The following CLSTN2 variants were observed in gnomAD, a reference collection of about 807,000 sequenced individuals.
CLSTN2 encodes the protein calsyntenin 2, also known as calsyntenin-2.
A neutral mutation model predicts 101.2 loss-of-function variants in CLSTN2; 48 were observed. The observed-to-expected ratio is 0.47, with a 90% CI of 0.38 to 0.60. The LOEUF (loss-of-function observed/expected upper bound fraction) is 0.60, where lower values mean the gene tolerates loss of function less well. Ranked by LOEUF, CLSTN2 falls within the 20% of genes least tolerant of loss-of-function variation. The pLI, the probability that CLSTN2 is intolerant of heterozygous loss-of-function variation, is 0.00. For missense variants in CLSTN2, 1,160 were observed against 1,238.2 expected, an observed-to-expected ratio of 0.94 and a Z score of 0.95; for synonymous variants, 481 against 463.6, an observed-to-expected ratio of 1.04 and a Z score of -0.48.
At chr3:140,270,264 A>G (rs377742020) in intron 2 of CLSTN2, among the ~76,000 whole-genome samples, 1 of 152,290 alleles carries the variant, frequency 6.6e-6, no homozygotes, top group Admixed American at 6.5e-5. Flanking sequence ...AAAGAAGTCA[A>G]GTGATATGTG....
chr3:140,009,435 T>A (rs1234282879), intron 1 of CLSTN2, among the ~76,000 whole-genome samples: 31 of 152,192 alleles, frequency 2.0e-4, no homozygotes, highest in Admixed American at 2.0e-3. Context: ...AAATAATGAA[T>A]GTGAGTGTTT....
rs142236704 is a variant in CLSTN2, at chr3:140,483,496, C to T, written c.1344+16765C>T. Reference sequence around the variant, plus strand: ...GAGCTGAGTTCAATTCCTGCATATCCTTGTTAACTTTCTGTCGCATTGATC... The same window carrying T: ...GAGCTGAGTTCAATTCCTGCATATCTTTGTTAACTTTCTGTCGCATTGATC... On this transcript the variant is annotated intron_variant, in intron 8 of 16. Transcript: ENST00000458420. Among the ~76,000 whole-genome samples, 6 of 152,238 alleles carry T rather than the reference C, an allele frequency of 3.9e-5. No homozygotes were observed. The East Asian group carries it at 1.2e-3, about 29-fold the overall frequency.
At chr3:140,211,626 A>G (rs1250853187) in intron 2 of CLSTN2, among the ~76,000 whole-genome samples, 2 of 151,386 alleles carry the variant, frequency 1.3e-5, no homozygotes, top group African/African-American at 2.4e-5. Flanking sequence ...CTCTGCAATA[A>G]AAGACTTTAG....
intron 2 of CLSTN2, among the ~76,000 whole-genome samples, chr3:140,271,390 C>T (rs2107889974): frequency 6.6e-6 from 1 of 152,312 alleles, no homozygotes; most frequent in South Asian, 2.1e-4. Flanking sequence ...TGTTACCGAA[C>T]ACTGGGATTA....
At chr3:140,054,979 C>G (rs1424712173) in intron 1 of CLSTN2, among the ~76,000 whole-genome samples, 1 of 152,148 alleles carries the variant, frequency 6.6e-6, no homozygotes, top group Non-Finnish European at 1.5e-5. Context: ...TGGAATACAC[C>G]TGGGATATGC....
chr3:140,268,763 TG>T (rs1411197865), intron 2 of CLSTN2, among the ~76,000 whole-genome samples: 4 of 152,168 alleles, frequency 2.6e-5, no homozygotes, highest in African/African-American at 9.6e-5. Flanking sequence ...TAGTTGGCAG[TG>T]GGCAGTGGCA....
At chr3:140,247,817 G>A (rs1289057591) in intron 2 of CLSTN2, among the ~76,000 whole-genome samples, 3 of 152,148 alleles carry the variant, frequency 2.0e-5, no homozygotes, top group Non-Finnish European at 4.4e-5. Flanking sequence ...GCAGTCTGGA[G>A]GGCTCCCTCA....
chr3:140,441,880 C>T (rs539264577), intron 5 of CLSTN2, among the ~76,000 whole-genome samples: 6 of 152,128 alleles, frequency 3.9e-5, no homozygotes, highest in Admixed American at 2.0e-4. Flanking sequence ...GAAGCCCTCC[C>T]GAGCCTCACA....
intron 1 of CLSTN2, among the ~76,000 whole-genome samples, chr3:140,153,625 C>G (rs1473527240): frequency 6.6e-6 from 1 of 152,210 alleles, no homozygotes; most frequent in African/African-American, 2.4e-5. Context: ...AAATTGTTAC[C>G]TCACCTCTGA....
At chr3:140,260,997 A>G (rs1377213499) in intron 2 of CLSTN2, among the ~76,000 whole-genome samples, 1 of 152,194 alleles carries the variant, frequency 6.6e-6, no homozygotes, top group African/African-American at 2.4e-5. Context: ...AGTAAAGGAT[A>G]TGTAATATCA....
chr3:140,169,254 T>C (rs2010177624), intron 1 of CLSTN2, among the ~76,000 whole-genome samples: 1 of 152,150 alleles, frequency 6.6e-6, no homozygotes. Flanking sequence ...TTGATGCTAT[T>C]GTAACAGTAT....
intron 12 of CLSTN2, among the ~76,000 whole-genome samples, chr3:140,561,807 C>G (rs1013485516): frequency 2.0e-5 from 3 of 152,192 alleles, no homozygotes; most frequent in Admixed American, 1.3e-4. Context: ...TCCCAAGACC[C>G]TTGCCTGCCT....
chr3:140,378,269 C>A (rs1347443266), intron 2 of CLSTN2, among the ~76,000 whole-genome samples: 10 of 152,340 alleles, frequency 6.6e-5, no homozygotes, highest in Admixed American at 6.5e-4. Flanking sequence ...TGACCGGATA[C>A]TTCATTTAGC....
rs571251614 is a variant in CLSTN2 at position 140,534,984 on chromosome 3, C to G, written c.1507+2498C>G. On this transcript the variant is annotated intron_variant, in intron 9 of 16. Coordinates refer to ENST00000458420, the MANE Select transcript of CLSTN2 (RefSeq NM_022131.3). The stretch of plus-strand genomic sequence containing the variant: ...AGCTTTCCGAGTGATTTCTAGTGAT[C>G]GCCTCATCAGGGTGAGATGCACAGA... 2.6e-5 allele frequency among the ~76,000 whole-genome samples: 4 copies of G among 152,284 alleles called. No individual in the cohort carries two copies. The South Asian group carries it at 8.3e-4, about 32-fold the overall frequency.
chr3:140,392,234 TA>T (rs1171502445), intron 2 of CLSTN2, among the ~76,000 whole-genome samples: 1 of 151,034 alleles, frequency 6.6e-6, no homozygotes, highest in Non-Finnish European at 1.5e-5. Context: ...AAGAAATAGG[TA>T]AAATTGATTT....
chr3:140,236,637 C>G (rs1434111145), intron 2 of CLSTN2, among the ~76,000 whole-genome samples: 1 of 152,096 alleles, frequency 6.6e-6, no homozygotes, highest in African/African-American at 2.4e-5. Context: ...CCATAGCTCA[C>G]CGATGCTCTA....
chr3:140,063,500 A>G (rs2107773796), intron 1 of CLSTN2, among the ~76,000 whole-genome samples: 1 of 152,334 alleles, frequency 6.6e-6, no homozygotes, highest in Non-Finnish European at 1.5e-5. Context: ...TATGCATTGC[A>G]GTCTCCAGGG....
At chr3:140,348,662 G>A (rs997237119) in intron 2 of CLSTN2, among the ~76,000 whole-genome samples, 1 of 152,146 alleles carries the variant, frequency 6.6e-6, no homozygotes, top group East Asian at 1.9e-4. Context: ...AGTGGGTGGA[G>A]GATAAAATTT....
At chr3:140,300,796 A>G (rs2087050915) in intron 2 of CLSTN2, among the ~76,000 whole-genome samples, 2 of 147,262 alleles carry the variant, frequency 1.4e-5, no homozygotes, top group Admixed American at 1.4e-4. Context: ...AAGCAGTACC[A>G]GTAGGCGATA....
Sources: gnomAD v4.1 joint callset for allele counts (sites outside exome capture counted in the v4.1 genomes callset) on GRCh38, gnomAD v4.1.1 for gene constraint, MANE v1.5 for transcripts, NCBI Gene and HGNC (gene_info 2026-07-23, HGNC 2026-07-21) for gene names.